NPAS3: variants seen among roughly 807,000 people sequenced by gnomAD.
The protein encoded by NPAS3 is neuronal PAS domain protein 3.
In NPAS3, 14 loss-of-function variants were observed where a neutral mutation model predicts 73.1. The observed-to-expected ratio is 0.19, with a 90% confidence interval of 0.13 to 0.30. NPAS3 has a LOEUF of 0.30. NPAS3 is among the 10% of genes least tolerant of loss of function. The probability of loss-of-function intolerance (pLI) is 1.00; values close to 1 mark genes in which losing one functional copy is unlikely to be tolerated. For missense variants in NPAS3, 1,096 were observed against 1,250.0 expected, an observed-to-expected ratio of 0.88 and a Z score of 1.86; for synonymous variants, 620 against 541.5, an observed-to-expected ratio of 1.14 and a Z score of -2.01.
intron 2 of NPAS3, among the ~76,000 whole-genome samples, chr14:33,172,319 T>C (rs1274164264): frequency 6.6e-6 from 1 of 152,230 alleles, no homozygotes; most frequent in African/African-American, 2.4e-5. Flanking sequence ...AGACGAAGTA[T>C]GCCTGTACTT....
chr14:32,968,964 T>C (rs959980741), intron 1 of NPAS3, among the ~76,000 whole-genome samples: 4 of 152,166 alleles, frequency 2.6e-5, no homozygotes, highest in Non-Finnish European at 5.9e-5. Context: ...GTGTGTGTTG[T>C]ACCCTCCATG....
At chr14:33,379,541 A>G (rs1326549211) in intron 4 of NPAS3, among the ~76,000 whole-genome samples, 1 of 152,180 alleles carries the variant, frequency 6.6e-6, no homozygotes, top group Non-Finnish European at 1.5e-5. Flanking sequence ...TACCGGCATC[A>G]GCTAGGAATG....
intron 1 of NPAS3, among the ~76,000 whole-genome samples, chr14:33,024,791 G>A (rs776708510): frequency 1.3e-5 from 2 of 152,134 alleles, no homozygotes; most frequent in Non-Finnish European, 2.9e-5. Context: ...TTTTGTTTAT[G>A]TGTATCTGTA....
intron 6 of NPAS3, among the ~76,000 whole-genome samples, chr14:33,681,228 G>A (rs956774668): frequency 6.6e-6 from 1 of 152,066 alleles, no homozygotes; most frequent in Non-Finnish European, 1.5e-5. Context: ...ATAAAAAAAC[G>A]GCTTGGATAT....
chr14:33,113,436 A>T (rs1236292908), intron 2 of NPAS3, among the ~76,000 whole-genome samples: 3 of 152,136 alleles, frequency 2.0e-5, no homozygotes, highest in African/African-American at 7.2e-5. Context: ...AGCAATTGTG[A>T]ATGGGAGTCA....
intron 1 of NPAS3, among the ~76,000 whole-genome samples, chr14:32,944,673 ATAGT>A (rs1174532287): frequency 1.3e-5 from 2 of 152,318 alleles, no homozygotes; most frequent in East Asian, 3.9e-4. Context: ...GTTTGATAGA[ATAGT>A]TAGAAGAATG....
intron 4 of NPAS3, among the ~76,000 whole-genome samples, chr14:33,555,744 C>T (rs1288968877): frequency 6.6e-6 from 1 of 152,156 alleles, no homozygotes; most frequent in Non-Finnish European, 1.5e-5. Flanking sequence ...CTTGGCAATC[C>T]ACTTTAGACC....
intron 1 of NPAS3, among the ~76,000 whole-genome samples, chr14:33,029,422 T>C (rs1439032663): frequency 6.6e-6 from 1 of 152,172 alleles, no homozygotes; most frequent in East Asian, 1.9e-4. Context: ...AGAAGACTAC[T>C]TGTAGCATAG....
At chr14:33,229,422 G>A (rs922348164) in intron 3 of NPAS3, among the ~76,000 whole-genome samples, 5 of 152,130 alleles carry the variant, frequency 3.3e-5, no homozygotes, top group Non-Finnish European at 1.5e-5. Context: ...CCAGGGAGCC[G>A]GGAAGTCGAG....
intron 2 of NPAS3, among the ~76,000 whole-genome samples, chr14:33,177,484 A>G (rs2045636526): frequency 6.6e-6 from 1 of 152,150 alleles, no homozygotes; most frequent in Admixed American, 6.5e-5. Context: ...TTTTCATGAT[A>G]GCATCCTATA....
intron 3 of NPAS3, among the ~76,000 whole-genome samples, chr14:33,308,247 C>A (rs999316846): frequency 6.6e-6 from 1 of 151,988 alleles, no homozygotes; most frequent in African/African-American, 2.4e-5. Context: ...TGTGCCATAC[C>A]GTACATTACT....
At chr14:33,785,019 GGATTACAGGCAT>G (rs1182879493) in intron 9 of NPAS3, among the ~76,000 whole-genome samples, 1 of 151,306 alleles carries the variant, frequency 6.6e-6, no homozygotes, top group Non-Finnish European at 1.5e-5. Flanking sequence ...CAACGGGCTG[GGATTACAGGCAT>G]GAGCCACTGC....
chr14:33,610,544 G>T (rs2057718797), intron 5 of NPAS3, among the ~76,000 whole-genome samples: 1 of 151,838 alleles, frequency 6.6e-6, no homozygotes, highest in South Asian at 2.1e-4. Flanking sequence ...TTGTTTTTCA[G>T]TAATTTACAA....
intron 3 of NPAS3, among the ~76,000 whole-genome samples, chr14:33,249,340 T>TC (rs1236994302): frequency 2.0e-4 from 15 of 75,602 alleles, no homozygotes; most frequent in African/African-American, 3.3e-4. Context: ...TTAATTCCCG[T>TC]CCCCCCCACC....
chr14:33,585,687 G>A (rs192798632), intron 5 of NPAS3, among the ~76,000 whole-genome samples: 210 of 152,250 alleles, frequency 1.4e-3, no homozygotes, highest in African/African-American at 4.9e-3. Flanking sequence ...CCTATTATCA[G>A]AACTAATGTC....
intron 4 of NPAS3, among the ~76,000 whole-genome samples, chr14:33,412,945 A>AGTGCT (rs2047991762): frequency 6.6e-6 from 1 of 152,236 alleles, no homozygotes. Context: ...TCTTCAGTTT[A>AGTGCT]GTGCTGTGTA....
At chr14:33,472,985 C>T (rs568635876) in intron 4 of NPAS3, among the ~76,000 whole-genome samples, 30 of 144,028 alleles carry the variant, frequency 2.1e-4, no homozygotes, top group Non-Finnish European at 3.7e-4. Context: ...TGGATCTAAA[C>T]GGAAATTTCC....
chr14:33,059,018 G>A (rs192763451), intron 2 of NPAS3, among the ~76,000 whole-genome samples: 81 of 152,294 alleles, frequency 5.3e-4, no homozygotes, highest in African/African-American at 1.7e-3. Context: ...GTTTGTGAGA[G>A]TCAATTGTAT....
chr14:33,319,115 C>T lies in NPAS3; in HGVS notation c.386-48071C>T, dbSNP rs555660068. On this transcript the variant is annotated intron_variant, in intron 3 of 11. Coordinates refer to ENST00000356141, the Ensembl canonical transcript of NPAS3. The stretch of plus-strand genomic sequence containing the variant: ...AGTTGAGTGTGTAGATCTTCCTGCA[C>T]ATGGCCTCTCTAGTTGGATAGTTTG... 8.4e-5 allele frequency among the ~76,000 whole-genome samples: 12 copies of T among 142,490 alleles called. No individual in the cohort carries two copies. In the East Asian group the frequency reaches 1.6e-3, roughly 19 times the overall value. The allele number at this position is 142,490 out of a possible 152,430, so 93.5% of individuals were successfully genotyped here.
Sources: gnomAD v4.1 joint callset for allele counts (sites outside exome capture counted in the v4.1 genomes callset) on GRCh38, gnomAD v4.1.1 for gene constraint, MANE v1.5 for transcripts, NCBI Gene and HGNC (gene_info 2026-07-23, HGNC 2026-07-21) for gene names.